The following TTC29 variants were observed in gnomAD, a reference collection of about 807,000 sequenced individuals.
TTC29 encodes tetratricopeptide repeat protein 29.
A neutral mutation model predicts 58.1 loss-of-function variants in TTC29; 49 were observed. The observed-to-expected ratio is 0.84, with a 90% confidence interval of 0.67 to 1.07. TTC29 has a LOEUF of 1.07. Among genes scored for constraint, TTC29 ranks in the 50% least tolerant of loss-of-function variants. The pLI, the probability that TTC29 is intolerant of heterozygous loss-of-function variation, is 0.00. For missense variants in TTC29, 582 were observed against 555.6 expected, an observed-to-expected ratio of 1.05 and a Z score of -0.48; for synonymous variants, 209 against 196.8, an observed-to-expected ratio of 1.06 and a Z score of -0.52.
chr4:146,765,725 C>G (rs1455064222), intron 11 of TTC29, among the ~76,000 whole-genome samples: 1 of 152,112 alleles, frequency 6.6e-6, no homozygotes, highest in African/African-American at 2.4e-5. Flanking sequence ...ATGGATTAGA[C>G]AAGCAGCCTT....
chr4:146,920,791 T>A (rs576216341), intron 4 of TTC29, among the ~76,000 whole-genome samples: 1 of 151,048 alleles, frequency 6.6e-6, no homozygotes, highest in Non-Finnish European at 1.5e-5. Context: ...ATGTCTTGGG[T>A]GAGAAATCTG....
intron 6 of TTC29, among the ~76,000 whole-genome samples, chr4:146,892,917 A>G (rs1319174024): frequency 1.3e-5 from 2 of 152,134 alleles, no homozygotes; most frequent in Non-Finnish European, 2.9e-5. Flanking sequence ...TCATGAGTGA[A>G]CTCCCATTCA....
chr4:146,804,853 G>A (rs1267573845), intron 10 of TTC29, among the ~76,000 whole-genome samples: 3 of 152,254 alleles, frequency 2.0e-5, no homozygotes, highest in African/African-American at 2.4e-5. Flanking sequence ...GAAGAGAGCA[G>A]TGGATCTGCC....
At chr4:146,707,425 T>G (rs1742040170) in intron 12 of TTC29, 60 bp downstream of exon 12, 13 of 1,205,150 alleles carry the variant, frequency 1.1e-5, no homozygotes, top group Non-Finnish European at 1.5e-5. Flanking sequence ...AATGAGATTA[T>G]GCTTAGTATA....
intron 11 of TTC29, among the ~76,000 whole-genome samples, chr4:146,803,016 T>C (rs114005507): frequency 9.2e-5 from 14 of 152,302 alleles, no homozygotes; most frequent in Non-Finnish European, 2.1e-4. Context: ...AACTATTTTC[T>C]AAATTAATAT....
At chr4:146,717,670 G>A (rs1262090490) in intron 11 of TTC29, among the ~76,000 whole-genome samples, 3 of 152,070 alleles carry the variant, frequency 2.0e-5, no homozygotes, top group Non-Finnish European at 2.9e-5. Context: ...TATGATCTAT[G>A]AATACAATGT....
intron 11 of TTC29, among the ~76,000 whole-genome samples, chr4:146,793,612 A>G (rs1038093806): frequency 1.3e-5 from 2 of 152,074 alleles, no homozygotes; most frequent in African/African-American, 4.8e-5. Context: ...TGAACCCACA[A>G]TATCTCCAAG....
At chr4:146,764,793 A>G (rs190075371) in intron 11 of TTC29, among the ~76,000 whole-genome samples, 1 of 152,230 alleles carries the variant, frequency 6.6e-6, no homozygotes, top group East Asian at 1.9e-4. Context: ...AGGAACAGAA[A>G]TGTACTGAAT....
intron 8 of TTC29, among the ~76,000 whole-genome samples, chr4:146,857,888 T>C (rs1561194276): frequency 1.3e-5 from 2 of 152,190 alleles, no homozygotes; most frequent in African/African-American, 2.4e-5. Flanking sequence ...AAAATGTTGG[T>C]TTATCTTCTT....
At chr4:146,820,100 A>G in intron 10 of TTC29, 25 bp downstream of exon 10, 1 of 1,609,654 alleles carries the variant, frequency 6.2e-7, no homozygotes, top group Non-Finnish European at 8.5e-7. Context: ...AAATTTCTCT[A>G]TAAACAAGAA....
At chr4:146,846,513 A>G (rs904080128) in intron 8 of TTC29, among the ~76,000 whole-genome samples, 1 of 152,188 alleles carries the variant, frequency 6.6e-6, no homozygotes, top group Non-Finnish European at 1.5e-5. Flanking sequence ...TACCAAAATG[A>G]GGCAGAGAAG....
intron 5 of TTC29, among the ~76,000 whole-genome samples, chr4:146,904,232 G>T (rs992651487): frequency 3.3e-5 from 5 of 151,998 alleles, no homozygotes; most frequent in Non-Finnish European, 1.5e-5. Context: ...GGGCCTGATA[G>T]ATACAACAAA....
At chr4:146,908,906 G>T in intron 5 of TTC29, 120 bp downstream of exon 5, 1 of 838,662 alleles carries the variant, frequency 1.2e-6, no homozygotes, top group Non-Finnish European at 1.9e-6. Flanking sequence ...AATTGACTGG[G>T]TTGAAGTGTG....
At chr4:146,754,067 T>G (rs189885175) in intron 11 of TTC29, among the ~76,000 whole-genome samples, 1 of 151,024 alleles carries the variant, frequency 6.6e-6, no homozygotes, top group African/African-American at 2.4e-5. Flanking sequence ...TACAAAAAAA[T>G]AAAATAAAAT....
intron 10 of TTC29, among the ~76,000 whole-genome samples, chr4:146,812,246 A>C (rs921197804): frequency 2.0e-5 from 3 of 152,182 alleles, no homozygotes; most frequent in Admixed American, 1.3e-4. Flanking sequence ...TAGAAACAAA[A>C]GTATAAATAT....
At chr4:146,778,996 A>G (rs1253405828) in intron 11 of TTC29, among the ~76,000 whole-genome samples, 9 of 126,212 alleles carry the variant, frequency 7.1e-5, no homozygotes, top group African/African-American at 2.4e-4. Context: ...AAAAAAAAAA[A>G]AAAAAAAGAA....
chr4:146,734,593 C>G (rs970070038), intron 11 of TTC29, among the ~76,000 whole-genome samples: 1 of 152,000 alleles, frequency 6.6e-6, no homozygotes, highest in Non-Finnish European at 1.5e-5. Context: ...AACCCTCAAC[C>G]TGGGGAATTT....
intron 11 of TTC29, chr4:146,764,083 G>T (rs905930193): frequency 6.6e-6 from 1 of 152,030 alleles, no homozygotes. Context: ...TACCCCAAAA[G>T]CATCTCTTAA....
At chr4:146,930,084 CATATATATATATATAT>C (rs70958534) in intron 4 of TTC29, among the ~76,000 whole-genome samples, 36 of 77,438 alleles carry the variant, frequency 4.6e-4, no homozygotes, top group African/African-American at 1.1e-3. Context: ...TGTGTGTGTG[CATATATATATATATAT>C]ATATATATAT....
Sources: allele counts gnomAD v4.1 joint callset (sites outside exome capture counted in the v4.1 genomes callset), GRCh38; gene constraint gnomAD v4.1.1; transcripts MANE v1.5; gene names NCBI Gene and HGNC (gene_info 2026-07-23, HGNC 2026-07-21).